RAB27A: variants seen among roughly 807,000 people sequenced by gnomAD.
RAB27A encodes the protein RAB27A, member RAS oncogene family.
A neutral mutation model predicts 20.8 loss-of-function variants in RAB27A; 17 were observed. That is an observed-to-expected ratio of 0.82 (90% CI 0.56 to 1.23). The LOEUF (loss-of-function observed/expected upper bound fraction) is 1.23. RAB27A is among the 50% of genes most tolerant of loss of function. The pLI, the probability that RAB27A is intolerant of heterozygous loss-of-function variation, is 0.00. For missense variants in RAB27A, 277 were observed against 266.7 expected (o/e 1.04, Z -0.27); for synonymous variants, 85 against 92.8 (o/e 0.92, Z 0.48).
chr15:55,236,183 G>C (rs553006240), intron 2 of RAB27A, among the ~76,000 whole-genome samples: 7 of 151,518 alleles, frequency 4.6e-5, no homozygotes, highest in Admixed American at 4.6e-4. Flanking sequence ...AAGAAAGAAA[G>C]AAAGTCTCCT....
chr15:55,301,174 C>G (rs1197373749), intron 2 of RAB27A, among the ~76,000 whole-genome samples: 1 of 152,140 alleles, frequency 6.6e-6, no homozygotes, highest in African/African-American at 2.4e-5. Flanking sequence ...CTTTGCAGGA[C>G]TTTTTTCTCC....
In RAB27A at chr15:55,209,048, A is replaced by C. The variant is rs560110821; in HGVS notation, c.468-3343T>G. Among the ~76,000 whole-genome samples, 210 of 152,304 alleles carry C rather than the reference A, an allele frequency of 1.4e-3. 1 individual carries two copies. Among genetic ancestry groups the C allele is most frequent in the Middle Eastern group, 3.4e-3 (1 of 294 alleles). Reference sequence around the variant, plus strand: ...TTATGCATAATATAGTTTCAGAGTAAATATGATCATTTAATACACTGATAT... The same window carrying C: ...TTATGCATAATATAGTTTCAGAGTACATATGATCATTTAATACACTGATAT... On this transcript the variant is annotated intron_variant, in intron 6 of 6. Transcript: ENST00000336787.
intron 2 of RAB27A, among the ~76,000 whole-genome samples, chr15:55,250,453 A>G (rs1896847925): frequency 6.6e-6 from 1 of 152,234 alleles, no homozygotes; most frequent in Non-Finnish European, 1.5e-5. Flanking sequence ...ACTTTGCACT[A>G]GACTTCTCTC....
chr15:55,274,582 A>G (rs982352313), intron 1 of RAB27A, among the ~76,000 whole-genome samples: 2 of 151,584 alleles, frequency 1.3e-5, no homozygotes, highest in Non-Finnish European at 2.9e-5. Flanking sequence ...GTTTGAGACC[A>G]GCCTGACCAA....
chr15:55,262,771 T>G (rs1049785090), intron 2 of RAB27A, among the ~76,000 whole-genome samples: 1 of 151,906 alleles, frequency 6.6e-6, no homozygotes, highest in African/African-American at 2.4e-5. Context: ...TCCAGGCTGG[T>G]CTGGAACTCC....
intron 1 of RAB27A, among the ~76,000 whole-genome samples, chr15:55,273,836 TCATC>T (rs1897775095): frequency 6.6e-6 from 1 of 152,108 alleles, no homozygotes; most frequent in African/African-American, 2.4e-5. Context: ...AATGAACAGA[TCATC>T]CAGATAGAAA....
chr15:55,225,768 T>G (rs888746376), intron 5 of RAB27A, among the ~76,000 whole-genome samples: 5 of 152,204 alleles, frequency 3.3e-5, no homozygotes, highest in African/African-American at 1.2e-4. Context: ...AAAAAGCAAA[T>G]TAATCAGTTA....
At chr15:55,241,003 C>T (rs1015877314) in intron 2 of RAB27A, among the ~76,000 whole-genome samples, 61 of 152,256 alleles carry the variant, frequency 4.0e-4, no homozygotes, top group African/African-American at 9.1e-4. Context: ...AGTGTATACA[C>T]ACAAAGTTTG....
intron 1 of RAB27A, among the ~76,000 whole-genome samples, chr15:55,275,200 C>T (rs1485306048): frequency 1.4e-5 from 2 of 147,506 alleles, no homozygotes; most frequent in Non-Finnish European, 3.0e-5. Flanking sequence ...TGCAGTGAGT[C>T]GAGATTGCTC....
intron 6 of RAB27A, among the ~76,000 whole-genome samples, chr15:55,218,723 G>A (rs368781739): frequency 1.3e-5 from 2 of 150,772 alleles, no homozygotes; most frequent in East Asian, 1.9e-4. Flanking sequence ...ACATTCAGTT[G>A]TCATTCTTAG....
intron 6 of RAB27A, among the ~76,000 whole-genome samples, chr15:55,216,043 A>C (rs1490411332): frequency 2.0e-5 from 3 of 151,974 alleles, no homozygotes; most frequent in Non-Finnish European, 2.9e-5. Context: ...TGATTCTGAC[A>C]AAAGTTTAAC....
chr15:55,267,807 C>A (rs1897555978), intron 2 of RAB27A, among the ~76,000 whole-genome samples: 1 of 152,122 alleles, frequency 6.6e-6, no homozygotes, highest in African/African-American at 2.4e-5. Flanking sequence ...TACCGAGGGT[C>A]CAGAGAGGGC....
At chr15:55,219,748 G>A (rs1329822616) in intron 6 of RAB27A, among the ~76,000 whole-genome samples, 1 of 152,180 alleles carries the variant, frequency 6.6e-6, no homozygotes, top group Non-Finnish European at 1.5e-5. Context: ...TGGCTGGCAG[G>A]AGTGCAAATT....
chr15:55,287,702 G>T (rs566150070), intron 1 of RAB27A, among the ~76,000 whole-genome samples: 1 of 151,658 alleles, frequency 6.6e-6, no homozygotes, highest in Non-Finnish European at 1.5e-5. Context: ...AGCTGAGATC[G>T]TGCCATTGCA....
intron 2 of RAB27A, among the ~76,000 whole-genome samples, chr15:55,240,393 T>C (rs1896433237): frequency 6.6e-6 from 1 of 152,120 alleles, no homozygotes; most frequent in South Asian, 2.1e-4. Flanking sequence ...TGAAAATGGG[T>C]CTGAAACCTA....
At chr15:55,262,560 G>A (rs2141072788) in intron 2 of RAB27A, among the ~76,000 whole-genome samples, 3 of 140,896 alleles carry the variant, frequency 2.1e-5, no homozygotes, top group Admixed American at 1.4e-4. Flanking sequence ...AAAAAAAATA[G>A]GTAAGAACAA....
At chr15:55,304,361 AGACCTTTGTTCACTTGTTTATCTGCT>A (rs1159650259) in intron 2 of RAB27A, among the ~76,000 whole-genome samples, 2 of 151,464 alleles carry the variant, frequency 1.3e-5, no homozygotes, top group African/African-American at 2.4e-5. Flanking sequence ...GGAAAACCAG[AGACCTTTGTTCACTTGTTTATCTGCT>A]GACCTTCCCT....
At chr15:55,266,402 G>T (rs906772730) in intron 2 of RAB27A, among the ~76,000 whole-genome samples, 1 of 152,204 alleles carries the variant, frequency 6.6e-6, no homozygotes, top group African/African-American at 2.4e-5. Context: ...AAGACATATG[G>T]AGAGAGATTT....
chr15:55,244,807 C>T (rs189240938), intron 2 of RAB27A, among the ~76,000 whole-genome samples: 30 of 152,248 alleles, frequency 2.0e-4, no homozygotes, highest in African/African-American at 6.7e-4. Flanking sequence ...AATTTAACAT[C>T]CCCTTGTTCA....
Sources: allele counts gnomAD v4.1 joint callset (sites outside exome capture counted in the v4.1 genomes callset), GRCh38; gene constraint gnomAD v4.1.1; transcripts MANE v1.5; gene names NCBI Gene and HGNC (gene_info 2026-07-23, HGNC 2026-07-21).